The following PCDH15 variants were observed in gnomAD, a reference collection of about 807,000 sequenced individuals.
PCDH15 encodes the protein protocadherin related 15.
PCDH15 carries 129 observed loss-of-function variants against 178.5 expected under a neutral mutation model. The observed-to-expected ratio is 0.72, with a 90% CI of 0.63 to 0.84. The LOEUF (loss-of-function observed/expected upper bound fraction) is 0.84. Among genes scored for constraint, PCDH15 ranks in the 40% least tolerant of loss-of-function variants. The pLI is 0.00. For missense variants in PCDH15, 2,230 were observed against 2,099.9 expected (o/e 1.06, Z -1.21); for synonymous variants, 800 against 732.0 (o/e 1.09, Z -1.50).
chr10:54,925,125 G>A (rs1837584475), intron 2 of PCDH15, among the ~76,000 whole-genome samples: 1 of 152,102 alleles, frequency 6.6e-6, no homozygotes, highest in African/African-American at 2.4e-5. Context: ...TATTTGTATG[G>A]TGTAAGGAAG....
At chr10:55,353,259 T>C (rs1818487817) in intron 2 of PCDH15, among the ~76,000 whole-genome samples, 1 of 152,098 alleles carries the variant, frequency 6.6e-6, no homozygotes, top group Non-Finnish European at 1.5e-5. Context: ...TCACTTCTCA[T>C]TGGCAAAAAT....
At chr10:54,395,492 T>C (rs557932734) in intron 3 of PCDH15, among the ~76,000 whole-genome samples, 57 of 150,540 alleles carry the variant, frequency 3.8e-4, no homozygotes, top group African/African-American at 1.4e-3. Context: ...TCTTGGAAAA[T>C]ATGACCTTAA....
chr10:54,209,382 C>A (rs968100726), intron 10 of PCDH15, among the ~76,000 whole-genome samples: 1 of 151,816 alleles, frequency 6.6e-6, no homozygotes, highest in African/African-American at 2.4e-5. Flanking sequence ...CAAGAGAATG[C>A]GAAATAAAGA....
chr10:55,439,396 T>A (rs538419833), intron 2 of PCDH15, among the ~76,000 whole-genome samples: 12 of 152,004 alleles, frequency 7.9e-5, no homozygotes, highest in African/African-American at 2.9e-4. Flanking sequence ...TATGCCACAA[T>A]AGAATTAACA....
intron 2 of PCDH15, among the ~76,000 whole-genome samples, chr10:55,495,889 C>T (rs553897228): frequency 2.0e-5 from 3 of 151,942 alleles, no homozygotes; most frequent in East Asian, 3.9e-4. Context: ...ATAATGGAAT[C>T]TTATTTGTTA....
intron 27 of PCDH15, among the ~76,000 whole-genome samples, chr10:53,863,577 G>C (rs1203366492): frequency 6.6e-6 from 1 of 151,672 alleles, no homozygotes; most frequent in Non-Finnish European, 1.5e-5. Context: ...TGAGAAATAA[G>C]TCAAATCTAA....
At chr10:55,586,179 T>A (rs1451108661) in intron 2 of PCDH15, among the ~76,000 whole-genome samples, 1 of 152,224 alleles carries the variant, frequency 6.6e-6, no homozygotes. Flanking sequence ...CTAATAGATA[T>A]AGAAACAGAT....
At chr10:54,017,788 T>G (rs2135252279) in intron 20 of PCDH15, among the ~76,000 whole-genome samples, 1 of 152,104 alleles carries the variant, frequency 6.6e-6, no homozygotes, top group African/African-American at 2.4e-5. Context: ...TGCCTGAATC[T>G]AAAATAAAAT....
At chr10:55,389,737 T>G (rs1327560601) in intron 2 of PCDH15, among the ~76,000 whole-genome samples, 2 of 152,060 alleles carry the variant, frequency 1.3e-5, no homozygotes, top group Non-Finnish European at 2.9e-5. Flanking sequence ...TTTCAGCAAC[T>G]CTCATACATA....
chr10:54,475,859 T>G, intron 3 of PCDH15, among the ~76,000 whole-genome samples: 1 of 150,776 alleles, frequency 6.6e-6, no homozygotes, highest in South Asian at 2.1e-4. Flanking sequence ...TGTCAACAAA[T>G]TCCCCCAAGG....
intron 23 of PCDH15, among the ~76,000 whole-genome samples, chr10:53,945,220 T>C (rs960180043): frequency 1.3e-5 from 2 of 152,228 alleles, no homozygotes; most frequent in Non-Finnish European, 2.9e-5. Flanking sequence ...GCACAATGCC[T>C]ATGCATTTCA....
rs1350113539 is a variant in PCDH15, at chr10:55,582,620, A to ATTTT, written c.-156+45004_-156+45005insAAAA. ...TGTATATATATATATATATATATAT[A>ATTTT]TATATATATTTTTTTTTTTTTGCTA... On this transcript the variant is annotated intron_variant, in intron 2 of 5. Coordinates refer to the PCDH15 transcript ENST00000613346. 2.2e-3 allele frequency among the ~76,000 whole-genome samples: 191 copies of ATTTT among 87,438 alleles called. 4 individuals are homozygous for ATTTT. The highest frequency in any genetic ancestry group is 8.7e-3 in the African/African-American group (144 of 16,600). The allele number at this position is 87,438 out of a possible 152,430, so 57.4% of individuals were successfully genotyped here.
At chr10:55,046,555 T>C (rs1204053410) in intron 2 of PCDH15, among the ~76,000 whole-genome samples, 1 of 151,938 alleles carries the variant, frequency 6.6e-6, no homozygotes, top group Non-Finnish European at 1.5e-5. Context: ...AGGCAGAGAA[T>C]AATTTACATT....
chr10:54,217,227 C>T (rs1275218050), intron 9 of PCDH15, among the ~76,000 whole-genome samples: 1 of 152,004 alleles, frequency 6.6e-6, no homozygotes, highest in African/African-American at 2.4e-5. Context: ...TCAAGGACTT[C>T]TCTAAAAATA....
intron 2 of PCDH15, among the ~76,000 whole-genome samples, chr10:55,553,081 T>C (rs1842029955): frequency 6.6e-6 from 1 of 151,656 alleles, no homozygotes; most frequent in African/African-American, 2.4e-5. Context: ...TATATAAATA[T>C]CTCTCAATTT....
chr10:55,562,048 C>T (rs1842210842), intron 2 of PCDH15, among the ~76,000 whole-genome samples: 1 of 151,824 alleles, frequency 6.6e-6, no homozygotes, highest in Non-Finnish European at 1.5e-5. Flanking sequence ...CACAGACATC[C>T]TTTGATTTTC....
At chr10:54,847,573 A>G (rs1421929481) in intron 3 of PCDH15, among the ~76,000 whole-genome samples, 1 of 152,146 alleles carries the variant, frequency 6.6e-6, no homozygotes, top group African/African-American at 2.4e-5. Context: ...ATTAAATTGA[A>G]TAATTTAGGT....
At chr10:54,990,012 T>C (rs1839461988) in intron 2 of PCDH15, among the ~76,000 whole-genome samples, 1 of 152,170 alleles carries the variant, frequency 6.6e-6, no homozygotes, top group African/African-American at 2.4e-5. Flanking sequence ...CTGCCCTCCA[T>C]GTAAGATGTG....
chr10:53,807,473 A>ACTATTCAGGAAAGTTAAATTG (rs1438849775), intron 37 of PCDH15, among the ~76,000 whole-genome samples: 1 of 152,284 alleles, frequency 6.6e-6, no homozygotes, highest in East Asian at 1.9e-4. Context: ...CAGCTGCTCT[A>ACTATTCAGGAAAGTTAAATTG]CTATTCAGGA....
Sources: gnomAD v4.1 joint callset for allele counts (sites outside exome capture counted in the v4.1 genomes callset) on GRCh38, gnomAD v4.1.1 for gene constraint, MANE v1.5 for transcripts, NCBI Gene and HGNC (gene_info 2026-07-23, HGNC 2026-07-21) for gene names.